The following SDHC variants were observed in gnomAD, a reference collection of about 807,000 sequenced individuals.
SDHC encodes the protein succinate dehydrogenase cytochrome b560 subunit, mitochondrial.
A neutral mutation model predicts 22.6 loss-of-function variants in SDHC; 11 were observed. The ratio of observed to expected loss-of-function variants is 0.49; its 90% CI spans 0.31 to 0.81. The LOEUF is 0.81. Among genes scored for constraint, SDHC ranks in the 30% least tolerant of loss-of-function variants. The pLI, the probability that SDHC is intolerant of heterozygous loss-of-function variation, is 0.05. For synonymous variants in SDHC, 80 were observed against 77.8 expected, an observed-to-expected ratio of 1.03 and a Z score of -0.15; for missense variants, 160 against 212.0, an observed-to-expected ratio of 0.75 and a Z score of 1.52.
At chr1:161,343,795 C>A (rs1671800928) in intron 4 of SDHC, among the ~76,000 whole-genome samples, 1 of 151,960 alleles carries the variant, frequency 6.6e-6, no homozygotes, top group Non-Finnish European at 1.5e-5. Flanking sequence ...TGTAGTTTCC[C>A]TTATTATCTC....
intron 1 of SDHC, among the ~76,000 whole-genome samples, chr1:161,317,022 C>CTT (rs762717898): frequency 1.3e-4 from 16 of 120,714 alleles, no homozygotes; most frequent in African/African-American, 3.0e-4. Context: ...GGTTCTTTTT[C>CTT]TTTTTTTTTT....
chr1:161,358,597 A>T (rs1362625392), intron 5 of SDHC, among the ~76,000 whole-genome samples: 1 of 151,758 alleles, frequency 6.6e-6, no homozygotes, highest in Non-Finnish European at 1.5e-5. Context: ...AGATTGTGCC[A>T]CTGCACTTCA....
intron 2 of SDHC, among the ~76,000 whole-genome samples, chr1:161,325,102 G>T (rs1375311163): frequency 1.3e-5 from 2 of 152,170 alleles, no homozygotes; most frequent in East Asian, 1.9e-4. Flanking sequence ...CAGCTATGGG[G>T]AGGCTAAGGC....
At chr1:161,345,170 GT>G (rs890019298) in intron 4 of SDHC, among the ~76,000 whole-genome samples, 2 of 152,186 alleles carry the variant, frequency 1.3e-5, no homozygotes, top group African/African-American at 4.8e-5. Flanking sequence ...CCACACTGGT[GT>G]TTGAACTCAT....
chr1:161,330,670 A>G (rs1306411171), intron 3 of SDHC, among the ~76,000 whole-genome samples: 1 of 152,132 alleles, frequency 6.6e-6, no homozygotes, highest in Non-Finnish European at 1.5e-5. Context: ...CTTTTAGTCT[A>G]TGCTGGCAGT....
chr1:161,331,441 A>AT (rs1169862605), intron 3 of SDHC, among the ~76,000 whole-genome samples: 4 of 151,476 alleles, frequency 2.6e-5, no homozygotes, highest in Non-Finnish European at 4.4e-5. Flanking sequence ...TAATTTTTGT[A>AT]TTTTTTTATA....
At chr1:161,322,660 G>A (rs374334568) in intron 1 of SDHC, among the ~76,000 whole-genome samples, 5 of 150,672 alleles carry the variant, frequency 3.3e-5, no homozygotes, top group East Asian at 2.0e-4. Flanking sequence ...TCTGCCTCCC[G>A]GGCTCAAGTG....
At chr1:161,357,909 G>A (rs1372464292) in intron 5 of SDHC, among the ~76,000 whole-genome samples, 1 of 151,754 alleles carries the variant, frequency 6.6e-6, no homozygotes, top group Non-Finnish European at 1.5e-5. Context: ...GACTCAAATA[G>A]ATTACCTTTT....
chr1:161,331,291 A>G (rs932460339), intron 3 of SDHC, among the ~76,000 whole-genome samples: 4 of 151,680 alleles, frequency 2.6e-5, no homozygotes, highest in Non-Finnish European at 4.4e-5. Flanking sequence ...TTGTCCAGAC[A>G]GAGTCTCACC....
chr1:161,339,564 C>G, intron 3 of SDHC: 1 of 1,265,246 alleles, frequency 7.9e-7, no homozygotes, highest in Non-Finnish European at 1.0e-6. Flanking sequence ...TTTCTCAGCC[C>G]TATCAGTGAT....
chr1:161,321,563 A>G (rs1670838630), intron 1 of SDHC, among the ~76,000 whole-genome samples: 1 of 152,306 alleles, frequency 6.6e-6, no homozygotes, highest in Admixed American at 6.5e-5. Context: ...TCACAATTCA[A>G]TTGATTAAAA....
At chr1:161,349,722 G>A (rs1672037454) in intron 4 of SDHC, among the ~76,000 whole-genome samples, 1 of 152,022 alleles carries the variant, frequency 6.6e-6, no homozygotes, top group African/African-American at 2.4e-5. Flanking sequence ...TAGAAATCCT[G>A]GTTATTCCAG....
chr1:161,324,713 T>C (rs549700808), intron 2 of SDHC, among the ~76,000 whole-genome samples: 9 of 152,318 alleles, frequency 5.9e-5, no homozygotes, highest in South Asian at 2.1e-4. Context: ...ACTGAATGCT[T>C]TAAGGGTAAA....
chr1:161,341,468 T>G (rs1242441763), intron 4 of SDHC, among the ~76,000 whole-genome samples: 1 of 152,156 alleles, frequency 6.6e-6, no homozygotes, highest in Non-Finnish European at 1.5e-5. Context: ...AGTACATCCT[T>G]TTTAGGTAGG....
intron 3 of SDHC, among the ~76,000 whole-genome samples, chr1:161,337,065 T>TG (rs201605353): frequency 0.014 from 2,124 of 151,134 alleles, 45 homozygotes; most frequent in African/African-American, 0.05. Flanking sequence ...AAATGGGTTT[T>TG]TTTTTTTTTT....
At chr1:161,344,471 A>C (rs953716762) in intron 4 of SDHC, among the ~76,000 whole-genome samples, 1 of 151,858 alleles carries the variant, frequency 6.6e-6, no homozygotes, top group Non-Finnish European at 1.5e-5. Context: ...AGAAAAAAAA[A>C]AGAAAAAAGT....
intron 5 of SDHC, among the ~76,000 whole-genome samples, chr1:161,359,427 G>C (rs530190747): frequency 1.3e-5 from 2 of 152,216 alleles, no homozygotes; most frequent in Non-Finnish European, 1.5e-5. Flanking sequence ...ACTTCCCTGA[G>C]GGGGAGGCAG....
chr1:161,349,966 A>C (rs1173269348), intron 4 of SDHC, among the ~76,000 whole-genome samples: 1 of 152,130 alleles, frequency 6.6e-6, no homozygotes, highest in African/African-American at 2.4e-5. Flanking sequence ...GCTGGAGTGC[A>C]GTGACATAAT....
chr1:161,362,951 G>A lies in SDHC; in HGVS notation c.*518G>A, dbSNP rs375109418. 306 of 329,472 alleles carry A rather than the reference G, an allele frequency of 9.3e-4. 2 individuals are homozygous for A. The highest frequency in any genetic ancestry group is 6.0e-3 in the African/African-American group (290 of 48,706). The allele number at this position is 329,472 out of a possible 1,614,324, so 20.4% of individuals were successfully genotyped here. A position where few individuals can be genotyped will look rare whatever the true frequency, so the allele number is the denominator to read the frequency against. ...TTGAAAGAAGAGAGGTGGGGGTGGA[G>A]GGGAATTAGTCTGTCCCAGCTAGAG... On this transcript the variant is annotated 3_prime_UTR_variant, in exon 6 of 6. Transcript: ENST00000367975.
Sources: gnomAD v4.1 joint callset for allele counts (sites outside exome capture counted in the v4.1 genomes callset) on GRCh38, gnomAD v4.1.1 for gene constraint, MANE v1.5 for transcripts, NCBI Gene and HGNC (gene_info 2026-07-23, HGNC 2026-07-21) for gene names.